Variants in PRKACB observed in about 807,000 individuals in gnomAD.
PRKACB encodes the protein protein kinase cAMP-activated catalytic subunit beta, also known as cAMP-dependent protein kinase catalytic subunit beta.
PRKACB carries 16 observed loss-of-function variants against 51.4 expected under a neutral mutation model. That is an observed-to-expected ratio of 0.31 (90% CI 0.21 to 0.47). The LOEUF is 0.47. Ranked by LOEUF, PRKACB falls within the 20% of genes least tolerant of loss-of-function variation. PRKACB has a pLI of 1.00. For missense variants in PRKACB, 309 were observed against 464.5 expected (o/e 0.67, Z 3.08); for synonymous variants, 147 against 154.4 (o/e 0.95, Z 0.35).
rs573990184 is a variant in PRKACB, at chr1:84,179,902, C to T, written c.249+664C>T. Among the ~76,000 whole-genome samples the T allele has an allele frequency of 2.0e-5, 3 of 150,970 alleles. No homozygotes were observed. In the Middle Eastern group the frequency reaches 0.01, roughly 514 times the overall value. On this transcript the variant is annotated intron_variant, in intron 2 of 9. Transcript: ENST00000370685. ...ATGGTGGTTGCTGCATCCATCAACC[C>T]GTCATCTACATTAGGTATTTCTCCT...
chr1:84,078,805 A>G (rs1647295669), intron 1 of PRKACB, among the ~76,000 whole-genome samples: 1 of 152,164 alleles, frequency 6.6e-6, no homozygotes, highest in Non-Finnish European at 1.5e-5. Context: ...ACCCAACCTT[A>G]TCACAAGGCG....
rs551362550 is a variant in PRKACB at position 84,231,970 on chromosome 1, A to G, written c.1072-3210A>G. ...TTTCTTGCCTTCTGCTAGCTTTTGA[A>G]TGTGTTTGCTCTTGCTTTTCTAGTT... On this transcript the variant is annotated intron_variant, in intron 9 of 9. Transcript: ENST00000370685. Among the ~76,000 whole-genome samples the G allele has an allele frequency of 3.0e-3, 444 of 148,088 alleles. 6 individuals are homozygous for G. The highest frequency in any genetic ancestry group is 0.01 in the Middle Eastern group (3 of 288).
At chr1:84,165,676 CTG>C (rs1408782075) in intron 1 of PRKACB, among the ~76,000 whole-genome samples, 4 of 151,712 alleles carry the variant, frequency 2.6e-5, no homozygotes, top group South Asian at 2.1e-4. Context: ...ATTTCCAAAA[CTG>C]TTTTTTTGAA....
At position 84,214,268 on chromosome 1, in the gene PRKACB, C is replaced by T. The variant is rs1415501887; in HGVS notation, c.1022C>T (p.Thr341Ile). ...NLKNGVSDIK[T>I]HKWFATTDWI... Reference sequence around the variant, plus strand: ...AAGAATGGTGTCAGTGATATAAAAACTCACAAGTGGTTTGCCACGACAGAT... The same window carrying T: ...AAGAATGGTGTCAGTGATATAAAAATTCACAAGTGGTTTGCCACGACAGAT... Residue 341 changes from threonine (T) to isoleucine (I), a missense_variant, in exon 9 of 10, where the codon ACT becomes ATT. Physicochemically the swap from Thr to Ile is moderately conservative, Grantham distance 89 (BLOSUM62 -1). Around this residue, in one of 3 missense-constraint regions of PRKACB, gnomAD observed 96 missense variants for 129.9 expected, o/e 0.74. Coordinates refer to ENST00000370685, the MANE Select transcript of PRKACB (RefSeq NM_182948.4). 1 of 1,612,512 alleles carries T rather than the reference C, an allele frequency of 6.2e-7. No individual in the cohort carries two copies. Among genetic ancestry groups the T allele is most frequent in the Non-Finnish European group, 8.5e-7 (1 of 1,179,454 alleles).
At chr1:84,164,520 C>T (rs1024898557) in intron 1 of PRKACB, 2 of 1,479,180 alleles carry the variant, frequency 1.4e-6, no homozygotes, top group African/African-American at 2.8e-5. Flanking sequence ...AATTTATAAT[C>T]ATGTGGCTCT....
At chr1:84,080,902 C>A (rs1557893552) in intron 1 of PRKACB, among the ~76,000 whole-genome samples, 1 of 150,652 alleles carries the variant, frequency 6.6e-6, no homozygotes, top group African/African-American at 2.5e-5. Flanking sequence ...TGTTTATTTT[C>A]AAAATATTCA....
chr1:84,095,262 G>C (rs1042236506), intron 1 of PRKACB, among the ~76,000 whole-genome samples: 2 of 56,748 alleles, frequency 3.5e-5, no homozygotes, highest in African/African-American at 1.2e-4. Flanking sequence ...TTTTTTTTTT[G>C]CGCTTATTCC....
chr1:84,197,258 G>A (rs2134648), intron 6 of PRKACB, among the ~76,000 whole-genome samples: 65,644 of 151,716 alleles, frequency 0.43, 15,863 homozygotes, highest in Non-Finnish European at 0.56. Context: ...TCGTAGCAAC[G>A]TTTTCTTTCC....
chr1:84,078,218 C>A, exon 1 of PRKACB: 4 of 1,293,188 alleles, frequency 3.1e-6, no homozygotes, highest in South Asian at 2.8e-5. Context: ...TAGGCGCACT[C>A]ACCGCTCTGA....
At chr1:84,086,096 A>G in intron 1 of PRKACB, 1 of 1,434,274 alleles carries the variant, frequency 7.0e-7, no homozygotes, top group Middle Eastern at 1.8e-4. Context: ...TGATGACCAC[A>G]CAGACCTCGC....
At chr1:84,083,762 T>G (rs2100745045) in intron 1 of PRKACB, among the ~76,000 whole-genome samples, 1 of 152,220 alleles carries the variant, frequency 6.6e-6, no homozygotes, top group South Asian at 2.1e-4. Flanking sequence ...AATAGAAAAG[T>G]GTGAAATTTA....
intron 1 of PRKACB, among the ~76,000 whole-genome samples, chr1:84,146,604 G>C (rs1311363682): frequency 3.9e-5 from 6 of 151,936 alleles, no homozygotes; most frequent in Non-Finnish European, 5.9e-5. Context: ...CATTTGACAA[G>C]GGAATGTAAT....
At chr1:84,165,960 G>T (rs1657305453) in intron 1 of PRKACB, among the ~76,000 whole-genome samples, 2 of 151,670 alleles carry the variant, frequency 1.3e-5, no homozygotes, top group South Asian at 4.1e-4. Context: ...GAAACTGAAA[G>T]GTGGATTTTT....
chr1:84,221,638 T>A (rs527470150), intron 9 of PRKACB, among the ~76,000 whole-genome samples: 1 of 152,184 alleles, frequency 6.6e-6, no homozygotes, highest in East Asian at 1.9e-4. Flanking sequence ...TCATTTTTCT[T>A]TGCTTTAAGA....
chr1:84,123,399 G>A, intron 1 of PRKACB, among the ~76,000 whole-genome samples: 1 of 152,042 alleles, frequency 6.6e-6, no homozygotes, highest in East Asian at 1.9e-4. Context: ...TCCTTATAGA[G>A]AAACTAATGG....
chr1:84,190,026 T>A (rs766273306), intron 5 of PRKACB, among the ~76,000 whole-genome samples: 2 of 151,964 alleles, frequency 1.3e-5, no homozygotes, highest in Non-Finnish European at 2.9e-5. Flanking sequence ...CTTAATCTTA[T>A]AATTTTTCTT....
At chr1:84,207,348 A>G (rs1039553452) in intron 8 of PRKACB, among the ~76,000 whole-genome samples, 1 of 152,184 alleles carries the variant, frequency 6.6e-6, no homozygotes, top group Non-Finnish European at 1.5e-5. Flanking sequence ...ACCAATATTT[A>G]TAAATATTTT....
chr1:84,227,382 GTTAA>G (rs1188630192), intron 9 of PRKACB, among the ~76,000 whole-genome samples: 4 of 151,564 alleles, frequency 2.6e-5, no homozygotes, highest in African/African-American at 9.7e-5. Flanking sequence ...TGTATTTATT[GTTAA>G]TTAATGCTAT....
chr1:84,135,371 A>G (rs2100568681), intron 1 of PRKACB, among the ~76,000 whole-genome samples: 1 of 152,324 alleles, frequency 6.6e-6, no homozygotes, highest in East Asian at 1.9e-4. Context: ...GATATAGATT[A>G]AGCAGGCAGA....
Sources: allele counts gnomAD v4.1 joint callset (sites outside exome capture counted in the v4.1 genomes callset), GRCh38; gene constraint gnomAD v4.1.1; regional missense constraint gnomAD v4.1.1; transcripts MANE v1.5; gene names NCBI Gene and HGNC (gene_info 2026-07-23, HGNC 2026-07-21).